The following GPC5 variants were observed in gnomAD, a reference collection of about 807,000 sequenced individuals.
GPC5 encodes glypican 5.
A neutral mutation model predicts 53.9 loss-of-function variants in GPC5; 47 were observed. That is an observed-to-expected ratio of 0.87 (90% CI 0.69 to 1.11). The LOEUF (loss-of-function observed/expected upper bound fraction) is 1.11, where lower values mean the gene tolerates loss of function less well. Among genes scored for constraint, GPC5 ranks in the 50% most tolerant of loss-of-function variants. The probability of loss-of-function intolerance (pLI) is 0.00; values close to 1 mark genes in which losing one functional copy is unlikely to be tolerated. For synonymous variants in GPC5, 286 were observed against 263.3 expected, an observed-to-expected ratio of 1.09 and a Z score of -0.84; for missense variants, 748 against 713.1, an observed-to-expected ratio of 1.05 and a Z score of -0.56.
chr13:92,064,612 T>TA (rs1411724453), intron 6 of GPC5, among the ~76,000 whole-genome samples: 1 of 151,642 alleles, frequency 6.6e-6, no homozygotes, highest in African/African-American at 2.4e-5. Context: ...AAAAATTAGC[T>TA]AGGCGTGGTG....
intron 7 of GPC5, among the ~76,000 whole-genome samples, chr13:92,696,533 T>C (rs551383545): frequency 6.6e-6 from 1 of 152,346 alleles, no homozygotes; most frequent in African/African-American, 2.4e-5. Context: ...CGCCCACTTT[T>C]TGATGGGGTT....
chr13:92,317,228 T>C (rs1037821479), intron 7 of GPC5, among the ~76,000 whole-genome samples: 22 of 152,016 alleles, frequency 1.4e-4, no homozygotes, highest in African/African-American at 5.3e-4. Flanking sequence ...TCATGATAGA[T>C]AGTGTGCCTT....
chr13:91,630,033 A>G (rs952489218), intron 2 of GPC5, among the ~76,000 whole-genome samples: 1 of 152,100 alleles, frequency 6.6e-6, no homozygotes. Flanking sequence ...CCAAGTCTCT[A>G]GGAGACACTG....
intron 3 of GPC5, among the ~76,000 whole-genome samples, chr13:91,701,338 T>C (rs2035987364): frequency 6.6e-6 from 1 of 152,150 alleles, no homozygotes; most frequent in African/African-American, 2.4e-5. Flanking sequence ...TCTTACTTTT[T>C]GACAAACATG....
intron 2 of GPC5, among the ~76,000 whole-genome samples, chr13:91,665,576 C>T (rs903698319): frequency 6.6e-6 from 1 of 150,886 alleles, no homozygotes; most frequent in South Asian, 2.1e-4. Context: ...CATCTCGGCT[C>T]ACTGCAAGCT....
intron 7 of GPC5, among the ~76,000 whole-genome samples, chr13:92,763,161 T>A (rs921996274): frequency 1.3e-5 from 2 of 152,292 alleles, no homozygotes; most frequent in Middle Eastern, 3.4e-3. Flanking sequence ...TTTGATGATA[T>A]CATGTTCCCT....
At position 91,628,155 on chromosome 13, in the gene GPC5, G is replaced by A. The variant is rs1301672901; in HGVS notation, c.326-65032G>A. Among the ~76,000 whole-genome samples the A allele has an allele frequency of 2.0e-5, 3 of 152,164 alleles. No homozygotes were observed. The East Asian group carries it at 5.8e-4, about 29-fold the overall frequency. On this transcript the variant is annotated intron_variant, in intron 2 of 7. Transcript: ENST00000377067. The stretch of plus-strand genomic sequence containing the variant: ...GTTAATGTTACCTTACAGTATCTAC[G>A]ACTATGTATCAGCATTCTGAACTTT...
At chr13:92,125,924 GTTTTTTTTTTTTTTTTTTTTTTTTT>G (rs1190169532) in intron 6 of GPC5, among the ~76,000 whole-genome samples, 10 of 75,818 alleles carry the variant, frequency 1.3e-4, no homozygotes, top group African/African-American at 4.7e-4. Context: ...TTGTTTTTTG[GTTTTTTTTTTTTTTTTTTTTTTTTT>G]TTTTTTTTTT....
At chr13:91,985,827 C>A (rs2040401605) in intron 6 of GPC5, among the ~76,000 whole-genome samples, 1 of 152,038 alleles carries the variant, frequency 6.6e-6, no homozygotes, top group African/African-American at 2.4e-5. Context: ...TAAAACAACA[C>A]CACATAGTGT....
At chr13:91,674,310 C>T (rs1027600344) in intron 2 of GPC5, among the ~76,000 whole-genome samples, 1 of 151,760 alleles carries the variant, frequency 6.6e-6, no homozygotes, top group Non-Finnish European at 1.5e-5. Context: ...GGATGGACCT[C>T]ATCTAATCCA....
At chr13:91,746,102 A>G (rs561832843) in intron 4 of GPC5, among the ~76,000 whole-genome samples, 2 of 152,342 alleles carry the variant, frequency 1.3e-5, no homozygotes, top group African/African-American at 2.4e-5. Context: ...CTGTAATTAT[A>G]TATTTCCTCT....
intron 7 of GPC5, among the ~76,000 whole-genome samples, chr13:92,359,609 G>T (rs939889540): frequency 6.6e-6 from 1 of 151,708 alleles, no homozygotes; most frequent in Middle Eastern, 3.4e-3. Context: ...GCTTTATTTG[G>T]CTCATGGTTC....
chr13:92,067,016 G>C (rs993165805), intron 6 of GPC5, among the ~76,000 whole-genome samples: 1 of 152,044 alleles, frequency 6.6e-6, no homozygotes, highest in African/African-American at 2.4e-5. Flanking sequence ...GCAAGTAAAG[G>C]ATATATGAAG....
rs1566516052 is a variant in GPC5, at chr13:91,571,893, A to ATG, written c.326-121293_326-121292insGT. 5.9e-4 allele frequency among the ~76,000 whole-genome samples: 32 copies of ATG among 54,546 alleles called. 2 individuals carry two copies. The highest frequency in any genetic ancestry group is 1.1e-3 in the African/African-American group (7 of 6,234). 35.8% of individuals were successfully genotyped at this position (54,546 alleles called of 152,430 possible). A position where few individuals can be genotyped will look rare whatever the true frequency, so the allele number is the denominator to read the frequency against. On this transcript the variant is annotated intron_variant, in intron 2 of 7. Coordinates refer to ENST00000377067, the MANE Select transcript of GPC5 (RefSeq NM_004466.6). ...TATATATACACACATATACGTGTGT[A>ATG]TATACACATATTGTATATATACACA...
chr13:92,664,175 T>C (rs1169880263), intron 7 of GPC5, among the ~76,000 whole-genome samples: 1 of 151,922 alleles, frequency 6.6e-6, no homozygotes, highest in Non-Finnish European at 1.5e-5. Context: ...GTGAAAGTTG[T>C]ATGTAAGGCT....
At chr13:92,524,410 G>A (rs1881196579) in intron 7 of GPC5, among the ~76,000 whole-genome samples, 1 of 151,798 alleles carries the variant, frequency 6.6e-6, no homozygotes, top group African/African-American at 2.4e-5. Flanking sequence ...GTAATGGTAA[G>A]GAAAAAAAGT....
At chr13:92,242,810 G>T (rs925169576) in intron 7 of GPC5, among the ~76,000 whole-genome samples, 33 of 152,060 alleles carry the variant, frequency 2.2e-4, no homozygotes, top group Non-Finnish European at 4.1e-4. Flanking sequence ...TTATTAAAGA[G>T]TTACGGTCTT....
intron 2 of GPC5, among the ~76,000 whole-genome samples, chr13:91,539,276 C>T (rs544679162): frequency 1.3e-5 from 2 of 152,124 alleles, no homozygotes; most frequent in Non-Finnish European, 2.9e-5. Context: ...TAGAAACTCA[C>T]ATTCACTTAA....
At chr13:92,488,526 G>A (rs1219889694) in intron 7 of GPC5, among the ~76,000 whole-genome samples, 1 of 152,118 alleles carries the variant, frequency 6.6e-6, no homozygotes, top group Admixed American at 6.5e-5. Context: ...TTAACTGCTG[G>A]CATTTTTAAT....
Sources: allele counts gnomAD v4.1 joint callset (sites outside exome capture counted in the v4.1 genomes callset), GRCh38; gene constraint gnomAD v4.1.1; transcripts MANE v1.5; gene names NCBI Gene and HGNC (gene_info 2026-07-23, HGNC 2026-07-21).